The following FAM174B variants were observed in gnomAD, a reference collection of about 807,000 sequenced individuals.
FAM174B encodes membrane protein FAM174B.
In FAM174B, 12 loss-of-function variants were observed where a neutral mutation model predicts 10.9. The observed-to-expected ratio is 1.10, with a 90% confidence interval of 0.71 to 1.79. FAM174B has a LOEUF of 1.79. FAM174B is among the 40% of genes most tolerant of loss of function. The pLI, the probability that FAM174B is intolerant of heterozygous loss-of-function variation, is 0.00. For synonymous variants in FAM174B, 132 were observed against 115.8 expected (o/e 1.14, Z -0.90); for missense variants, 266 against 233.3 (o/e 1.14, Z -0.91).
intron 2 of FAM174B, among the ~76,000 whole-genome samples, chr15:92,623,879 A>C (rs1399504208): frequency 1.3e-5 from 2 of 152,338 alleles, no homozygotes; most frequent in African/African-American, 4.8e-5. Context: ...TCTGAAAAAC[A>C]TGGCTTGCTT....
chr15:92,624,387 G>GA (rs2050739740), intron 2 of FAM174B, among the ~76,000 whole-genome samples: 1 of 149,032 alleles, frequency 6.7e-6, no homozygotes, highest in African/African-American at 2.4e-5. Flanking sequence ...CCACGAGGAA[G>GA]CCTGGGGTGC....
At chr15:92,620,853 G>A (rs1043297479) in intron 2 of FAM174B, among the ~76,000 whole-genome samples, 8 of 140,712 alleles carry the variant, frequency 5.7e-5, no homozygotes, top group African/African-American at 2.1e-4. Context: ...CTCTGCTCAA[G>A]ACATCATCTA....
chr15:92,630,164 C>G, intron 2 of FAM174B, 50 bp downstream of exon 2: 4 of 1,602,340 alleles, frequency 2.5e-6, no homozygotes, highest in Non-Finnish European at 3.4e-6. Context: ...CGAGGTCCCA[C>G]CAACCCACTG....
intron 1 of FAM174B, 99 bp downstream of exon 1, chr15:92,655,209 CGCACCAGG>C: frequency 1.4e-6 from 2 of 1,395,574 alleles, no homozygotes; most frequent in Non-Finnish European, 1.9e-6. Context: ...CTGGCTGGGG[CGCACCAGG>C]GCACCTGTGC....
At chr15:92,645,334 G>A (rs949714885) in intron 1 of FAM174B, among the ~76,000 whole-genome samples, 13 of 152,332 alleles carry the variant, frequency 8.5e-5, no homozygotes, top group Admixed American at 6.5e-5. Context: ...AGCACAGACC[G>A]TGCCCCTGGG....
chr15:92,636,819 C>T (rs1051289964), intron 1 of FAM174B, among the ~76,000 whole-genome samples: 1 of 152,222 alleles, frequency 6.6e-6, no homozygotes, highest in East Asian at 1.9e-4. Flanking sequence ...CCCCACTCCA[C>T]GCCTCACCGG....
chr15:92,630,115 C>A (rs879014035), intron 2 of FAM174B, 99 bp downstream of exon 2: 1 of 1,276,032 alleles, frequency 7.8e-7, no homozygotes, highest in South Asian at 1.3e-5. Flanking sequence ...CCCAACACTT[C>A]ACTAAAAAAC....
chr15:92,652,895 G>T (rs2050976146), intron 1 of FAM174B, among the ~76,000 whole-genome samples: 1 of 152,170 alleles, frequency 6.6e-6, no homozygotes, highest in African/African-American at 2.4e-5. Context: ...TGGGACAGGG[G>T]AAAGGCCACA....
intron 1 of FAM174B, among the ~76,000 whole-genome samples, chr15:92,643,344 A>ATGTGTGTGTGTG (rs61322216): frequency 0.32 from 44,020 of 137,844 alleles, 8,057 homozygotes; most frequent in East Asian, 0.62. Flanking sequence ...TAGGGAAGGA[A>ATGTGTGTGTGTG]TGTGTGTGTG....
chr15:92,620,116 C>G (rs2050709446), intron 2 of FAM174B: 1 of 152,442 alleles, frequency 6.6e-6, no homozygotes, highest in African/African-American at 2.4e-5. Flanking sequence ...TAGTGTTGGT[C>G]TCTTGCTTAG....
rs1217529165 is a variant in FAM174B, at chr15:92,618,698, G to A, written c.*758C>T. ...GCACTTTCCTTTCCCTTCAGAGAAG[G>A]AGAAACTGTTTTATAGGTATCACAC... On this transcript the variant is annotated 3_prime_UTR_variant, in exon 3 of 3. Transcript: ENST00000327355. 2.6e-5 allele frequency: 4 copies of A among 154,074 alleles called. No homozygotes were observed. Among genetic ancestry groups the A allele is most frequent in the African/African-American group, 4.8e-5 (2 of 41,438 alleles). 9.5% of individuals were successfully genotyped at this position (154,074 alleles called of 1,614,324 possible).
At chr15:92,647,288 C>T (rs1178269666) in intron 1 of FAM174B, among the ~76,000 whole-genome samples, 1 of 152,170 alleles carries the variant, frequency 6.6e-6, no homozygotes, top group Non-Finnish European at 1.5e-5. Flanking sequence ...CCTAATCGTC[C>T]TCCTCCTCCA....
intron 1 of FAM174B, among the ~76,000 whole-genome samples, chr15:92,631,465 A>G (rs1484473770): frequency 6.6e-5 from 4 of 60,288 alleles, no homozygotes; most frequent in Non-Finnish European, 1.1e-4. Context: ...TATATATTAT[A>G]TATAATTTAT....
At chr15:92,639,000 GC>G (rs1567047616) in intron 1 of FAM174B, among the ~76,000 whole-genome samples, 1 of 152,178 alleles carries the variant, frequency 6.6e-6, no homozygotes, top group African/African-American at 2.4e-5. Flanking sequence ...ACAGCCTCCC[GC>G]CAGTGAGGCA....
intron 1 of FAM174B, among the ~76,000 whole-genome samples, chr15:92,640,746 G>A (rs2050886220): frequency 6.6e-6 from 1 of 151,874 alleles, no homozygotes. Flanking sequence ...CCAGGTTAAA[G>A]TGTTTATCCT....
At chr15:92,630,043 A>C in intron 2 of FAM174B, 171 bp downstream of exon 2, 1 of 517,208 alleles carries the variant, frequency 1.9e-6, no homozygotes, top group Non-Finnish European at 3.4e-6. Flanking sequence ...CTTTATTAGC[A>C]GCATGAAAAT....
rs2050791777 is a variant in FAM174B, at chr15:92,630,845, C to CATATTATATATTAT, written c.345-501_345-500insATAATATATAATAT. ...TACATATTATATATTATATATATTA[C>CATATTATATATTAT]ATATTACATGTTACATATTACATAT... is the stretch of plus-strand genomic sequence containing the variant. On this transcript the variant is annotated intron_variant, in intron 1 of 2. Transcript: ENST00000327355. Among the ~76,000 whole-genome samples the CATATTATATATTAT allele has an allele frequency of 9.0e-5, 2 of 22,330 alleles. 1 individual carries two copies. The highest frequency in any genetic ancestry group is 1.5e-4 in the African/African-American group (2 of 13,282). 14.6% of individuals were successfully genotyped at this position (22,330 alleles called of 152,430 possible). A position where few individuals can be genotyped will look rare whatever the true frequency, so the allele number is the denominator to read the frequency against.
rs2050692600 is a variant in FAM174B at position 92,618,215 on chromosome 15, C to G, written c.*1241G>C. 1 of 152,798 alleles carries G rather than the reference C, an allele frequency of 6.5e-6. No homozygotes were observed. The highest frequency in any genetic ancestry group is 2.1e-4 in the South Asian group (1 of 4,818). 9.5% of individuals were successfully genotyped at this position (152,798 alleles called of 1,614,324 possible). A position where few individuals can be genotyped will look rare whatever the true frequency, so the allele number is the denominator to read the frequency against. ...TAGAGAGAGCAAAATCCCAGGGTCC[C>G]GAAGGCACTGCTAATAGACTAATAG... On this transcript the variant is annotated 3_prime_UTR_variant, in exon 3 of 3. Transcript: ENST00000327355.
chr15:92,635,579 C>CTT (rs34666199), intron 1 of FAM174B, among the ~76,000 whole-genome samples: 57 of 128,228 alleles, frequency 4.4e-4, no homozygotes, highest in African/African-American at 1.0e-3. Flanking sequence ...ATATTTCTTT[C>CTT]TTTTTTTTTT....
Sources: gnomAD v4.1 joint callset for allele counts (sites outside exome capture counted in the v4.1 genomes callset) on GRCh38, gnomAD v4.1.1 for gene constraint, MANE v1.5 for transcripts, NCBI Gene and HGNC (gene_info 2026-07-23, HGNC 2026-07-21) for gene names.